Variants in NXF1 observed in about 807,000 individuals in gnomAD.
NXF1 encodes the protein nuclear RNA export factor 1.
NXF1 carries 43 observed loss-of-function variants against 92.4 expected under a neutral mutation model. The ratio of observed to expected loss-of-function variants is 0.47; its 90% CI spans 0.36 to 0.60. NXF1 has a LOEUF of 0.60. Ranked by LOEUF, NXF1 falls within the 20% of genes least tolerant of loss-of-function variation. NXF1 has a pLI of 0.00. For synonymous variants in NXF1, 288 were observed against 292.2 expected (o/e 0.99, Z 0.15); for missense variants, 576 against 793.0 (o/e 0.73, Z 3.29).
chr11:62,799,072 TAAGA>T (rs2084451149), intron 10 of NXF1: 1 of 984,404 alleles, frequency 1.0e-6, no homozygotes, highest in Non-Finnish European at 1.2e-6. Context: ...GGCAAAGGAA[TAAGA>T]AAGGAAAAGG....
intron 17 of NXF1, chr11:62,795,369 G>A (rs1047278259): frequency 2.9e-5 from 6 of 204,492 alleles, no homozygotes; most frequent in Non-Finnish European, 5.1e-5. Context: ...CCAGCTACTC[G>A]GGAGGCTGAA....
intron 15 of NXF1, 28 bp downstream of exon 15, chr11:62,796,259 C>T (rs1590950243): frequency 6.2e-7 from 1 of 1,613,796 alleles, no homozygotes; most frequent in Non-Finnish European, 8.5e-7. Context: ...TGCCCTTTTC[C>T]CATATTTTGT....
intron 19 of NXF1, among the ~76,000 whole-genome samples, chr11:62,793,395 A>G (rs1467028740): frequency 1.3e-5 from 2 of 152,176 alleles, no homozygotes; most frequent in Non-Finnish European, 2.9e-5. Context: ...GGTTTTTTTA[A>G]GCAGCCAAAA....
chr11:62,794,424 C>A lies in NXF1; in HGVS notation c.1594G>T (p.Asp532Tyr), dbSNP rs111684491. 1 of 1,613,664 alleles carries A rather than the reference C, an allele frequency of 6.2e-7. No homozygotes were observed. Among genetic ancestry groups the A allele is most frequent in the Non-Finnish European group, 8.5e-7 (1 of 1,179,566 alleles). ...ASNSGLCIVN[D>Y]ELFVRNASSE... Reference sequence around the variant, plus strand: ...CTGGCATTCCGCACAAATAGCTCATCATTTACAATACATAGCCTTGAGGAC... The same window carrying A: ...CTGGCATTCCGCACAAATAGCTCATAATTTACAATACATAGCCTTGAGGAC... The change falls in exon 19 of 21, where the codon GAT becomes TAT. Residue 532 changes from aspartate to tyrosine, a missense_variant. Physicochemically the swap from Asp to Tyr is radical, Grantham distance 160. This residue lies in a region of NXF1 where 425 missense variants were observed against 635.2 expected (regional missense o/e 0.67). Coordinates refer to ENST00000294172, the MANE Select transcript of NXF1 (RefSeq NM_006362.5).
Position 62,794,954 on chromosome 11 carries a change from C to G in NXF1, c.1558G>C (p.Val520Leu). ...LRAFTRTFIA[V>L]PASNSGLCIV... ...ACTTACCCTGAATTGCTAGCAGGAA[C>G]AGCAATGAATGTCCGGGTGAAGGCT... Residue 520 changes from valine (V) to leucine (L), a missense_variant, in exon 18 of 21, where the codon GTT becomes CTT. Coordinates refer to ENST00000294172, the MANE Select transcript of NXF1 (RefSeq NM_006362.5). The G allele has an allele frequency of 6.2e-7, 1 of 1,614,186 alleles. No homozygotes were observed. Among genetic ancestry groups the G allele is most frequent in the Non-Finnish European group, 8.5e-7 (1 of 1,180,004 alleles).
chr11:62,794,807 T>C, intron 18 of NXF1, 128 bp downstream of exon 18: 1 of 832,294 alleles, frequency 1.2e-6, no homozygotes, highest in Non-Finnish European at 1.9e-6. Flanking sequence ...TCTTAACTAC[T>C]ATGTGAGCTT....
chr11:62,792,527 G>C lies in NXF1; in HGVS notation c.1822-13C>G. On this transcript the variant is annotated splice_polypyrimidine_tract_variant and intron_variant, in intron 20 of 20. Coordinates refer to ENST00000294172, the MANE Select transcript of NXF1 (RefSeq NM_006362.5). The stretch of plus-strand genomic sequence containing the variant: ...TCTCGCCCTTGGCCTGGAGAAAAAT[G>C]AAGGTCAGTAGAGGTAGGCCTACCC... The C allele has an allele frequency of 6.2e-7, 1 of 1,614,220 alleles. No homozygotes were observed. The highest frequency in any genetic ancestry group is 8.5e-7 in the Non-Finnish European group (1 of 1,180,042).
At chr11:62,794,127 T>C in intron 19 of NXF1, 131 bp downstream of exon 19, 2 of 781,516 alleles carry the variant, frequency 2.6e-6, no homozygotes, top group Non-Finnish European at 4.0e-6. Context: ...TGATCACCAC[T>C]ATACTCCAGC....
intron 3 of NXF1, among the ~76,000 whole-genome samples, chr11:62,802,967 G>A (rs944630229): frequency 5.9e-5 from 9 of 152,060 alleles, no homozygotes; most frequent in African/African-American, 1.7e-4. Flanking sequence ...TAAGGTGTTG[G>A]AAGATACTGA....
chr11:62,805,303 T>C (rs1174026955), intron 1 of NXF1, 26 bp downstream of exon 1: 1 of 1,598,766 alleles, frequency 6.3e-7, no homozygotes, highest in Admixed American at 1.7e-5. Flanking sequence ...AGATAGCCAG[T>C]TCCCGACCCG....
At chr11:62,804,586 A>G (rs2084513981) in intron 1 of NXF1, among the ~76,000 whole-genome samples, 1 of 152,164 alleles carries the variant, frequency 6.6e-6, no homozygotes, top group Non-Finnish European at 1.5e-5. Context: ...AAAGGTCCCT[A>G]ACTCCCAAAA....
In NXF1 at chr11:62,794,961, G is replaced by T. The variant is rs1346062008; in HGVS notation, c.1551C>A (p.Phe517Leu). The T allele has an allele frequency of 2.5e-6, 4 of 1,614,180 alleles. No individual in the cohort carries two copies. In the South Asian group the frequency reaches 4.4e-5, roughly 18 times the overall value. The change falls in exon 18 of 21, where the codon TTC becomes TTA. Residue 517 changes from phenylalanine to leucine, a missense_variant. By Grantham distance (22) the Phe-to-Leu change is conservative. Around this residue, in one of 2 missense-constraint regions of NXF1, gnomAD observed 425 missense variants for 635.2 expected, o/e 0.67. Transcript: ENST00000294172. Reference protein sequence around the residue: ...RDSLRAFTRTFIAVPASNSGL... With the variant: ...RDSLRAFTRTLIAVPASNSGL... ...CTGAATTGCTAGCAGGAACAGCAATGAATGTCCGGGTGAAGGCTCGCAAAG... is the reference window on the plus strand; with the variant it reads ...CTGAATTGCTAGCAGGAACAGCAATTAATGTCCGGGTGAAGGCTCGCAAAG...
At chr11:62,796,865 G>C in intron 13 of NXF1, 1 of 535,468 alleles carries the variant, frequency 1.9e-6, no homozygotes, top group Non-Finnish European at 3.3e-6. Flanking sequence ...TCAGGAGTTG[G>C]AGACCAGCCT....
Position 62,802,406 on chromosome 11 carries a change from T to A in NXF1, c.370-146A>T, listed in dbSNP as rs1027591925. The A allele has an allele frequency of 1.6e-5, 10 of 635,964 alleles. No homozygotes were observed. In the African/African-American group the frequency reaches 1.7e-4, roughly 11 times the overall value. 39.4% of individuals were successfully genotyped at this position (635,964 alleles called of 1,614,324 possible). Reference sequence around the variant, plus strand: ...CTAGGTTTTCTACTTGAGATACACATAGATTCTTTAACTCCTTTCTGTCTA... The same window carrying A: ...CTAGGTTTTCTACTTGAGATACACAAAGATTCTTTAACTCCTTTCTGTCTA... On this transcript the variant is annotated intron_variant, in intron 3 of 20. Coordinates refer to ENST00000294172, the MANE Select transcript of NXF1 (RefSeq NM_006362.5).
Position 62,801,747 on chromosome 11 carries a change from G to C in NXF1, c.631C>G (p.Gln211Glu), listed in dbSNP as rs1377447801. 1.2e-6 allele frequency: 2 copies of C among 1,613,704 alleles called. No individual in the cohort carries two copies. The highest frequency in any genetic ancestry group is 1.7e-6 in the Non-Finnish European group (2 of 1,179,584). Reference protein sequence around the residue: ...LNELKPEQVEQLKLIMSKRYD... With the variant: ...LNELKPEQVEELKLIMSKRYD... ...ATTTGAGCCTGCCTCACCTTTAGCT[G>C]TTCTACTTGTTCTGGCTTCAGTTCA... is the stretch of plus-strand genomic sequence containing the variant. Residue 211 changes from glutamine (Q) to glutamate (E), a missense_variant, in exon 6 of 21, where the codon CAG (glutamine) becomes GAG (glutamate). Physicochemically the swap from Gln to Glu is conservative, Grantham distance 29 (BLOSUM62 2). Coordinates refer to ENST00000294172, the MANE Select transcript of NXF1 (RefSeq NM_006362.5).
intron 19 of NXF1, among the ~76,000 whole-genome samples, chr11:62,793,894 G>A (rs966983854): frequency 2.1e-4 from 32 of 150,538 alleles, no homozygotes; most frequent in Non-Finnish European, 3.4e-4. Flanking sequence ...CCAGCTACTC[G>A]GGAGGCTGAG....
chr11:62,793,558 T>C lies in NXF1; in HGVS notation c.1760+700A>G, dbSNP rs139389102. ...CAGGTGCTGTGGCCTATGCCTGTAGTCCCAGCTACTCAGGTGGCTGAGGTG... is the reference window on the plus strand; with the variant it reads ...CAGGTGCTGTGGCCTATGCCTGTAGCCCCAGCTACTCAGGTGGCTGAGGTG... On this transcript the variant is annotated intron_variant, in intron 19 of 20. Transcript: ENST00000294172. 2.3e-3 allele frequency among the ~76,000 whole-genome samples: 352 copies of C among 152,160 alleles called. 1 individual carries two copies. The highest frequency in any genetic ancestry group is 8.4e-3 in the African/African-American group (349 of 41,512).
chr11:62,796,368 C>T lies in NXF1; in HGVS notation c.1287-23G>A, dbSNP rs200828406. 7.0e-4 allele frequency: 1,124 copies of T among 1,614,034 alleles called. 3 individuals carry two copies. The highest frequency in any genetic ancestry group is 1.5e-3 in the South Asian group (133 of 91,084). ...CTTCTGGGGGAATAAAAGGAATGGA[C>T]GTGGTGTTCAGAGCAGTGCTGCCAG... On this transcript the variant is annotated intron_variant, in intron 14 of 20. Transcript: ENST00000294172.
chr11:62,792,912 T>C (rs2134753702), intron 19 of NXF1: 1 of 582,470 alleles, frequency 1.7e-6, no homozygotes, highest in Non-Finnish European at 3.0e-6. Context: ...GTCAAGAAGC[T>C]CAAGATAGTT....
Sources: gnomAD v4.1 joint callset for allele counts (sites outside exome capture counted in the v4.1 genomes callset) on GRCh38, gnomAD v4.1.1 for gene constraint, gnomAD v4.1.1 regional missense constraint, MANE v1.5 for transcripts, NCBI Gene and HGNC (gene_info 2026-07-23, HGNC 2026-07-21) for gene names.